The following L3MBTL4 variants were observed in gnomAD, a reference collection of about 807,000 sequenced individuals.
L3MBTL4 encodes lethal(3)malignant brain tumor-like protein 4.
In L3MBTL4, 70 loss-of-function variants were observed where a neutral mutation model predicts 84.5. That is an observed-to-expected ratio of 0.83 (90% confidence interval 0.68 to 1.01). The LOEUF (loss-of-function observed/expected upper bound fraction) is 1.01, where lower values mean the gene tolerates loss of function less well. L3MBTL4 is among the 50% of genes least tolerant of loss of function. The pLI, the probability that L3MBTL4 is intolerant of heterozygous loss-of-function variation, is 0.00. For synonymous variants in L3MBTL4, 274 were observed against 259.8 expected (o/e 1.05, Z -0.52); for missense variants, 715 against 754.8 (o/e 0.95, Z 0.62).
chr18:6,164,875 A>T (rs2043561243), intron 13 of L3MBTL4, among the ~76,000 whole-genome samples: 1 of 152,224 alleles, frequency 6.6e-6, no homozygotes, highest in Non-Finnish European at 1.5e-5. Flanking sequence ...AGAAGATCAA[A>T]CTACTCTGAG....
chr18:6,348,012 C>T (rs181830492), intron 1 of L3MBTL4, among the ~76,000 whole-genome samples: 65 of 151,888 alleles, frequency 4.3e-4, no homozygotes, highest in African/African-American at 1.5e-3. Flanking sequence ...ATATCAGCAA[C>T]AAAAAATAAA....
intron 14 of L3MBTL4, among the ~76,000 whole-genome samples, chr18:6,103,552 G>A (rs1034253684): frequency 2.6e-5 from 4 of 152,096 alleles, no homozygotes; most frequent in Non-Finnish European, 5.9e-5. Context: ...ATGCCTTCAA[G>A]CACAATTTCA....
In L3MBTL4 at chr18:6,116,335, A is replaced by G. The variant is rs1046680979; in HGVS notation, c.1199+21859T>C. 1.1e-4 allele frequency among the ~76,000 whole-genome samples: 17 copies of G among 149,188 alleles called. 1 individual carries two copies. Among genetic ancestry groups the G allele is most frequent in the Middle Eastern group, 3.5e-3 (1 of 284 alleles). On this transcript the variant is annotated intron_variant, in intron 14 of 18. Transcript: ENST00000317931. ...TCCCTCTGTCCCTCTAGGATGCGTT[A>G]CATTGTTGTTGTGGTTGTTGCTGGT...
intron 16 of L3MBTL4, chr18:6,031,916 C>T (rs986158897): frequency 1.2e-6 from 1 of 807,052 alleles, no homozygotes; most frequent in Non-Finnish European, 1.5e-6. Flanking sequence ...GTAATGGTCA[C>T]CTGCATTGTG....
chr18:6,188,002 C>CAA (rs201235418), intron 12 of L3MBTL4, among the ~76,000 whole-genome samples: 9 of 143,816 alleles, frequency 6.3e-5, no homozygotes, highest in African/African-American at 2.3e-4. Flanking sequence ...TAGATCAAAA[C>CAA]AAAAAAAAAA....
chr18:5,956,345 T>C lies in L3MBTL4; in HGVS notation c.1720A>G (p.Ile574Val), dbSNP rs147539545. Residue 574 changes from isoleucine to valine, a missense_variant, in exon 19 of 19, where the codon ATT (isoleucine) becomes GTT (valine). Ile to Val is a conservative substitution (Grantham distance 29). Coordinates refer to ENST00000317931, the MANE Select transcript of L3MBTL4 (RefSeq NM_001330559.2). ...KAFLLLTQTD[I>V]VKVMKIKLGP... ...AGTTTGATCTTCATCACTTTGACAA[T>C]GTCCGTCTGTGTCAGAAGCAGGAAG... 5 of 1,614,138 alleles carry C rather than the reference T, an allele frequency of 3.1e-6. No individual in the cohort carries two copies. The Admixed American group carries it at 5.0e-5, about 16-fold the overall frequency.
chr18:6,159,711 G>C (rs1359812401), intron 13 of L3MBTL4, among the ~76,000 whole-genome samples: 4 of 152,128 alleles, frequency 2.6e-5, no homozygotes, highest in Non-Finnish European at 5.9e-5. Context: ...TACCCCACCA[G>C]CCCTTGTCGC....
chr18:6,266,949 T>C (rs2048662202), intron 4 of L3MBTL4, among the ~76,000 whole-genome samples: 1 of 151,168 alleles, frequency 6.6e-6, no homozygotes, highest in South Asian at 2.1e-4. Context: ...ATAATAATAA[T>C]AATAGTAATA....
intron 4 of L3MBTL4, among the ~76,000 whole-genome samples, chr18:6,281,883 G>A (rs1421690677): frequency 6.6e-6 from 1 of 152,060 alleles, no homozygotes; most frequent in Non-Finnish European, 1.5e-5. Context: ...TTAAAAACTG[G>A]CTTTAGATAA....
At chr18:6,021,420 G>A (rs2055251878) in intron 16 of L3MBTL4, among the ~76,000 whole-genome samples, 1 of 152,154 alleles carries the variant, frequency 6.6e-6, no homozygotes, top group East Asian at 1.9e-4. Context: ...AAGAAATTCA[G>A]AAAAAGGACA....
At chr18:6,284,933 A>T (rs939831877) in intron 4 of L3MBTL4, among the ~76,000 whole-genome samples, 1 of 152,194 alleles carries the variant, frequency 6.6e-6, no homozygotes, top group Non-Finnish European at 1.5e-5. Flanking sequence ...GGGAGTAGGC[A>T]CAGGCCTCAG....
intron 1 of L3MBTL4, among the ~76,000 whole-genome samples, chr18:6,323,665 C>T (rs2051547973): frequency 6.6e-6 from 1 of 152,092 alleles, no homozygotes; most frequent in South Asian, 2.1e-4. Flanking sequence ...ACAGCCTAGG[C>T]TCATATAACA....
At chr18:6,115,423 G>T (rs1163366809) in intron 14 of L3MBTL4, among the ~76,000 whole-genome samples, 1 of 152,228 alleles carries the variant, frequency 6.6e-6, no homozygotes, top group African/African-American at 2.4e-5. Flanking sequence ...CACCATCGGG[G>T]TAAGAGAGGG....
chr18:6,362,153 G>A (rs2053725302), intron 1 of L3MBTL4, among the ~76,000 whole-genome samples: 1 of 65,056 alleles, frequency 1.5e-5, no homozygotes, highest in Non-Finnish European at 2.8e-5. Context: ...AGGGGAGGGG[G>A]GGAAGAGAAG....
At chr18:6,196,866 G>A (rs6506365) in intron 12 of L3MBTL4, among the ~76,000 whole-genome samples, 14,764 of 152,216 alleles carry the variant, frequency 0.097, 1,969 homozygotes, top group African/African-American at 0.3. Context: ...TATTCAGGGA[G>A]CCAACAAACT....
chr18:6,003,095 ATCTC>A (rs1468814572), intron 16 of L3MBTL4, among the ~76,000 whole-genome samples: 3 of 102,950 alleles, frequency 2.9e-5, no homozygotes, highest in Non-Finnish European at 3.8e-5. Context: ...AAAATATAGT[ATCTC>A]TATTTATAGA....
In L3MBTL4 at chr18:6,146,308, G is replaced by A. The variant is rs553132813; in HGVS notation, c.1097-8012C>T. On this transcript the variant is annotated intron_variant, in intron 13 of 18. Transcript: ENST00000317931. ...CATCCACACCGCTATTTACAGCTGG[G>A]GCTAGGTGAGCCCCATGGCGAGTTC... Among the ~76,000 whole-genome samples, 6 of 152,332 alleles carry A rather than the reference G, an allele frequency of 3.9e-5. No homozygotes were observed. In the South Asian group the frequency reaches 1.2e-3, roughly 32 times the overall value.
intron 17 of L3MBTL4, among the ~76,000 whole-genome samples, chr18:5,964,196 T>C (rs552288151): frequency 3.9e-4 from 60 of 152,352 alleles, no homozygotes; most frequent in African/African-American, 1.4e-3. Context: ...GGAAGGACAC[T>C]GAGAAAGTTA....
At chr18:6,025,735 C>T (rs927830016) in intron 16 of L3MBTL4, among the ~76,000 whole-genome samples, 2 of 152,148 alleles carry the variant, frequency 1.3e-5, no homozygotes, top group Non-Finnish European at 2.9e-5. Context: ...ATTAGAGTCC[C>T]ATATGGAGTG....
Sources: gnomAD v4.1 joint callset for allele counts (sites outside exome capture counted in the v4.1 genomes callset) on GRCh38, gnomAD v4.1.1 for gene constraint, MANE v1.5 for transcripts, NCBI Gene and HGNC (gene_info 2026-07-23, HGNC 2026-07-21) for gene names.